RSPRY1: variants seen among roughly 807,000 people sequenced by gnomAD.
RSPRY1 encodes the protein RING finger and SPRY domain-containing protein 1.
RSPRY1 carries 23 observed loss-of-function variants against 73.1 expected under a neutral mutation model. The ratio of observed to expected loss-of-function variants is 0.31; its 90% CI spans 0.23 to 0.45. The LOEUF is 0.45. Ranked by LOEUF, RSPRY1 falls within the 20% of genes least tolerant of loss-of-function variation. The pLI is 1.00. For missense variants in RSPRY1, 448 were observed against 698.7 expected (o/e 0.64, Z 4.05); for synonymous variants, 226 against 251.4 (o/e 0.90, Z 0.95).
chr16:57,205,160 A>G, intron 2 of RSPRY1, 152 bp downstream of exon 2: 1 of 603,082 alleles, frequency 1.7e-6, no homozygotes, highest in Non-Finnish European at 2.9e-6. Flanking sequence ...CGCTGATGGC[A>G]GAGTAAATGA....
At chr16:57,207,135 A>G (rs1362968999) in intron 2 of RSPRY1, among the ~76,000 whole-genome samples, 3 of 152,238 alleles carry the variant, frequency 2.0e-5, no homozygotes, top group East Asian at 3.8e-4. Context: ...GTAAAAATTT[A>G]TCTACAACTG....
chr16:57,230,805 A>C lies in RSPRY1; in HGVS notation c.1368A>C (p.Ser456=). ...TGCCTCCTGAAAAGCAAGTCTTTTC[A>C]TCTACTGTGTAAGTAGCTCTTCTCA... The part of the protein sequence containing the change: ...NQLPPEKQVF[S]STVSGFFAAA... The change falls in exon 12 of 15, where the codon TCA becomes TCC. Residue 456 remains serine (S), a synonymous_variant. Transcript: ENST00000394420. 6.3e-7 allele frequency: 1 copy of C among 1,596,538 alleles called. No homozygotes were observed.
chr16:57,193,260 C>G (rs2074382004), intron 1 of RSPRY1, among the ~76,000 whole-genome samples: 4 of 152,128 alleles, frequency 2.6e-5, no homozygotes, highest in African/African-American at 7.2e-5. Flanking sequence ...AAGTAAAATT[C>G]CAACCAAATA....
intron 14 of RSPRY1, among the ~76,000 whole-genome samples, chr16:57,238,473 T>C (rs1358220729): frequency 6.6e-6 from 1 of 152,120 alleles, no homozygotes; most frequent in Non-Finnish European, 1.5e-5. Flanking sequence ...AGCCCAGAAA[T>C]AGAACTAACT....
chr16:57,203,446 C>T (rs1457725813), intron 1 of RSPRY1, among the ~76,000 whole-genome samples: 1 of 152,172 alleles, frequency 6.6e-6, no homozygotes, highest in East Asian at 1.9e-4. Flanking sequence ...AGAGACTACA[C>T]ACTAGCATAG....
Position 57,238,875 on chromosome 16 carries a change from C to T in RSPRY1, c.1635-4C>T. ...TTGACTGACTTTTCTGTGTTTCTCC[C>T]CAGTGACCTGTGCATGGATTGTGCC... On this transcript the variant is annotated splice_polypyrimidine_tract_variant and splice_region_variant and intron_variant, in intron 14 of 14. Coordinates refer to ENST00000394420, the MANE Select transcript of RSPRY1 (RefSeq NM_133368.3). 2 of 1,565,872 alleles carry T rather than the reference C, an allele frequency of 1.3e-6. No homozygotes were observed. The highest frequency in any genetic ancestry group is 2.3e-5 in the East Asian group (1 of 43,004).
chr16:57,238,715 G>A (rs566457079), intron 14 of RSPRY1, among the ~76,000 whole-genome samples, 164 bp from the exon 15 acceptor site: 1 of 152,194 alleles, frequency 6.6e-6, no homozygotes, highest in African/African-American at 2.4e-5. Flanking sequence ...GATCAGAAAT[G>A]TAAGATTTAC....
At chr16:57,235,077 A>T (rs756056698) in intron 13 of RSPRY1, 47 bp from the exon 14 acceptor site, 1 of 1,362,226 alleles carries the variant, frequency 7.3e-7, no homozygotes, top group Admixed American at 1.7e-5. Context: ...CACTGCTAAC[A>T]GGACCCCTGT....
intron 1 of RSPRY1, among the ~76,000 whole-genome samples, chr16:57,197,448 C>A (rs995167273): frequency 3.9e-5 from 6 of 152,140 alleles, no homozygotes; most frequent in Non-Finnish European, 7.3e-5. Flanking sequence ...CTTCCAGCTT[C>A]TTCCACCTGA....
intron 14 of RSPRY1, among the ~76,000 whole-genome samples, 180 bp from the exon 15 acceptor site, chr16:57,238,699 A>G (rs145217551): frequency 2.0e-5 from 3 of 152,368 alleles, no homozygotes; most frequent in African/African-American, 7.2e-5. Context: ...GACTAAGACA[A>G]TTGAGGATCA....
rs747506824 is a variant in RSPRY1, at chr16:57,231,287, C to T, written c.1497C>T (p.Phe499=). 1 of 1,613,432 alleles carries T rather than the reference C, an allele frequency of 6.2e-7. No homozygotes were observed. The change falls in exon 13 of 15, where the codon TTC becomes TTT. Residue 499 remains phenylalanine, a synonymous_variant. Coordinates refer to ENST00000394420, the MANE Select transcript of RSPRY1 (RefSeq NM_133368.3). ...TTAGCACTTTTAATGACTACGCCTT[C>T]CTAACAGCTGAAGAAAAAATCATTT... ...MKFSTFNDYA[F]LTAEEKIILP...
intron 1 of RSPRY1, among the ~76,000 whole-genome samples, chr16:57,198,139 AT>A (rs2146195907): frequency 6.6e-6 from 1 of 152,278 alleles, no homozygotes; most frequent in South Asian, 2.1e-4. Context: ...TAATCCCAGC[AT>A]TTTGGGAGGC....
At chr16:57,215,641 C>G (rs1332932429) in intron 6 of RSPRY1, among the ~76,000 whole-genome samples, 1 of 152,222 alleles carries the variant, frequency 6.6e-6, no homozygotes, top group Non-Finnish European at 1.5e-5. Context: ...AGCTTAAAAA[C>G]TGAGCCATTA....
intron 8 of RSPRY1, chr16:57,219,616 C>G (rs533121120): frequency 6.6e-6 from 1 of 152,246 alleles, no homozygotes; most frequent in Admixed American, 6.5e-5. Context: ...TGGGATGTCT[C>G]TTTACTTCGT....
chr16:57,221,251 C>CA, intron 9 of RSPRY1, 21 bp from the exon 10 acceptor site: 3 of 1,612,582 alleles, frequency 1.9e-6, no homozygotes, highest in Non-Finnish European at 1.7e-6. Context: ...AGTTGATTGA[C>CA]ACATTTTTTG....
intron 4 of RSPRY1, among the ~76,000 whole-genome samples, chr16:57,210,323 T>TCC (rs2074816065): frequency 6.6e-6 from 1 of 152,048 alleles, no homozygotes; most frequent in Non-Finnish European, 1.5e-5. Context: ...CAAGGGATCC[T>TCC]CCCACCTTGG....
chr16:57,213,993 G>C, intron 6 of RSPRY1, 47 bp downstream of exon 6: 2 of 1,264,932 alleles, frequency 1.6e-6, no homozygotes, highest in Non-Finnish European at 2.3e-6. Flanking sequence ...CTAGAAGTGG[G>C]CATCATCTAG....
intron 4 of RSPRY1, among the ~76,000 whole-genome samples, chr16:57,209,956 G>T (rs1020478703): frequency 6.6e-6 from 1 of 152,126 alleles, no homozygotes; most frequent in African/African-American, 2.4e-5. Context: ...CATTGTAGGC[G>T]TTAGCCACTG....
intron 10 of RSPRY1, among the ~76,000 whole-genome samples, chr16:57,226,334 G>A (rs2075120891): frequency 1.3e-5 from 2 of 152,170 alleles, no homozygotes; most frequent in African/African-American, 4.8e-5. Context: ...AATTTGGGGC[G>A]AATCCATAGA....
Sources: gnomAD v4.1 joint callset for allele counts (sites outside exome capture counted in the v4.1 genomes callset) on GRCh38, gnomAD v4.1.1 for gene constraint, MANE v1.5 for transcripts, NCBI Gene and HGNC (gene_info 2026-07-23, HGNC 2026-07-21) for gene names.